PREX2: variants seen among roughly 807,000 people sequenced by gnomAD.
PREX2 encodes the protein phosphatidylinositol 3,4,5-trisphosphate-dependent Rac exchanger 2 protein.
In PREX2, 107 loss-of-function variants were observed where a neutral mutation model predicts 203.2. The ratio of observed to expected loss-of-function variants is 0.53; its 90% CI spans 0.45 to 0.62. The LOEUF (loss-of-function observed/expected upper bound fraction) is 0.62, where lower values mean the gene tolerates loss of function less well. PREX2 is among the 20% of genes least tolerant of loss of function. The pLI, the probability that PREX2 is intolerant of heterozygous loss-of-function variation, is 0.00. For missense variants in PREX2, 1,777 were observed against 1,955.9 expected (o/e 0.91, Z 1.72); for synonymous variants, 672 against 663.6 (o/e 1.01, Z -0.19).
chr8:68,211,544 T>G (rs565434686), intron 37 of PREX2, among the ~76,000 whole-genome samples: 1 of 152,236 alleles, frequency 6.6e-6, no homozygotes, highest in Non-Finnish European at 1.5e-5. Flanking sequence ...CAGGTCATTC[T>G]TGCTGCACTT....
chr8:68,224,494 G>C, intron 38 of PREX2, 65 bp from the exon 39 acceptor site: 1 of 1,233,510 alleles, frequency 8.1e-7, no homozygotes. Flanking sequence ...ACACACAAAT[G>C]TTAATGGTAT....
At chr8:68,177,142 T>G (rs1811996269) in intron 35 of PREX2, 1 of 152,674 alleles carries the variant, frequency 6.5e-6, no homozygotes, top group South Asian at 2.1e-4. Flanking sequence ...CAATGTGTAA[T>G]TGAAAGCTAT....
intron 6 of PREX2, among the ~76,000 whole-genome samples, chr8:68,034,627 A>G (rs1303953506): frequency 1.3e-5 from 2 of 152,194 alleles, no homozygotes; most frequent in Admixed American, 1.3e-4. Flanking sequence ...GTAAAGAGAC[A>G]CAGAAAGAAA....
intron 37 of PREX2, among the ~76,000 whole-genome samples, chr8:68,204,872 G>A (rs1198320636): frequency 6.6e-6 from 1 of 151,282 alleles, no homozygotes; most frequent in Non-Finnish European, 1.5e-5. Context: ...TAGTAGAGAC[G>A]GGGTTTCACC....
In PREX2 at chr8:68,074,755, T is replaced by A. The variant is rs966724991; in HGVS notation, c.1569+2185T>A. Among the ~76,000 whole-genome samples the A allele has an allele frequency of 5.3e-5, 8 of 152,174 alleles. No individual in the cohort carries two copies. The South Asian group carries it at 1.5e-3, about 28-fold the overall frequency. On this transcript the variant is annotated intron_variant, in intron 14 of 39. Transcript: ENST00000288368. ...TGAAATGATAATATTGAATGTCCAG[T>A]ATGGACTGAGACACTGAATTGATTT...
intron 35 of PREX2, among the ~76,000 whole-genome samples, chr8:68,191,497 G>A (rs1274991463): frequency 1.3e-5 from 2 of 152,154 alleles, no homozygotes. Flanking sequence ...GCATAGACAA[G>A]TGATTTCTCC....
intron 4 of PREX2, among the ~76,000 whole-genome samples, chr8:68,026,560 T>A (rs150254394): frequency 2.0e-5 from 3 of 152,106 alleles, no homozygotes; most frequent in African/African-American, 7.2e-5. Context: ...CACTTTATCA[T>A]CAATGAAAGC....
intron 10 of PREX2, among the ~76,000 whole-genome samples, chr8:68,058,602 T>C (rs1232865834): frequency 1.3e-5 from 2 of 151,836 alleles, no homozygotes; most frequent in Non-Finnish European, 2.9e-5. Flanking sequence ...CCCGGCTGAT[T>C]TTTTAAATTT....
chr8:68,063,915 T>C (rs1808939064), intron 11 of PREX2, among the ~76,000 whole-genome samples: 1 of 152,224 alleles, frequency 6.6e-6, no homozygotes, highest in African/African-American at 2.4e-5. Flanking sequence ...AGCTGCATTT[T>C]GGTGAAAATA....
At chr8:68,050,544 C>T (rs1268653897) in intron 8 of PREX2, among the ~76,000 whole-genome samples, 2 of 152,198 alleles carry the variant, frequency 1.3e-5, no homozygotes, top group African/African-American at 2.4e-5. Flanking sequence ...CAGGCTCCAC[C>T]TCCAACTTTG....
chr8:67,999,385 T>C (rs4509304), intron 1 of PREX2, among the ~76,000 whole-genome samples: 103,426 of 150,680 alleles, frequency 0.69, 35,694 homozygotes, highest in South Asian at 0.81. Flanking sequence ...TGGACACACC[T>C]ATTCTCCCAA....
At chr8:68,223,172 T>G (rs1812990288) in intron 38 of PREX2, 1 of 152,238 alleles carries the variant, frequency 6.6e-6, no homozygotes, top group Non-Finnish European at 1.5e-5. Flanking sequence ...GTTTTAGTAA[T>G]CACACTGTGG....
At chr8:68,072,675 A>C in intron 14 of PREX2, 105 bp downstream of exon 14, 3 of 667,516 alleles carry the variant, frequency 4.5e-6, no homozygotes, top group Non-Finnish European at 7.9e-6. Context: ...AGGCATTTAA[A>C]AAAAGAAGTA....
intron 38 of PREX2, among the ~76,000 whole-genome samples, chr8:68,222,983 A>G (rs867573447): frequency 7.9e-5 from 12 of 152,224 alleles, no homozygotes; most frequent in Non-Finnish European, 1.5e-4. Flanking sequence ...CATGAATGGC[A>G]GGAAGGACCT....
chr8:68,125,365 GT>G (rs1168633947), intron 30 of PREX2, among the ~76,000 whole-genome samples: 1 of 152,174 alleles, frequency 6.6e-6, no homozygotes, highest in South Asian at 2.1e-4. Context: ...CATTTCTAAT[GT>G]TTTTCCTAGT....
chr8:68,109,089 A>C, intron 24 of PREX2: 1 of 436,834 alleles, frequency 2.3e-6, no homozygotes, highest in South Asian at 1.8e-5. Flanking sequence ...AAGGATATAA[A>C]ATTTCAATCA....
chr8:68,182,445 C>A (rs1423438726), intron 35 of PREX2, among the ~76,000 whole-genome samples: 1 of 151,956 alleles, frequency 6.6e-6, no homozygotes, highest in Non-Finnish European at 1.5e-5. Flanking sequence ...TAAATACTTT[C>A]CTTTAAGTAT....
At chr8:68,112,942 A>C (rs1810563389) in intron 25 of PREX2, among the ~76,000 whole-genome samples, 1 of 152,236 alleles carries the variant, frequency 6.6e-6, no homozygotes, top group South Asian at 2.1e-4. Context: ...TTAAAAACAC[A>C]CAGGTCATTG....
chr8:68,158,099 GTATATATATGTGTGTA>G (rs1274416970), intron 35 of PREX2, among the ~76,000 whole-genome samples: 1 of 54,980 alleles, frequency 1.8e-5, no homozygotes, highest in Non-Finnish European at 3.1e-5. Context: ...ATATATATGT[GTATATATATGTGTGTA>G]TATATATGTA....
Sources: gnomAD v4.1 joint callset for allele counts (sites outside exome capture counted in the v4.1 genomes callset) on GRCh38, gnomAD v4.1.1 for gene constraint, MANE v1.5 for transcripts, NCBI Gene and HGNC (gene_info 2026-07-23, HGNC 2026-07-21) for gene names.